The following KCND2 variants were observed in gnomAD, a reference collection of about 807,000 sequenced individuals.
KCND2 encodes A-type voltage-gated potassium channel KCND2.
Under a neutral mutation model 54.4 loss-of-function variants are expected in KCND2, and 16 were observed. The ratio of observed to expected loss-of-function variants is 0.29; its 90% CI spans 0.20 to 0.45. The LOEUF (loss-of-function observed/expected upper bound fraction) is 0.45. Among genes scored for constraint, KCND2 ranks in the 20% least tolerant of loss-of-function variants. The pLI, the probability that KCND2 is intolerant of heterozygous loss-of-function variation, is 1.00. For missense variants in KCND2, 486 were observed against 824.2 expected, an observed-to-expected ratio of 0.59 and a Z score of 5.02; for synonymous variants, 317 against 310.7, an observed-to-expected ratio of 1.02 and a Z score of -0.21.
chr7:120,378,007 CTG>C (rs1800860184), intron 1 of KCND2, among the ~76,000 whole-genome samples: 2 of 151,814 alleles, frequency 1.3e-5, no homozygotes, highest in African/African-American at 2.4e-5. Context: ...TCCAATTAGA[CTG>C]TATACTTTTA....
At chr7:120,670,935 GAAAA>G (rs1791985447) in intron 1 of KCND2, among the ~76,000 whole-genome samples, 1 of 149,306 alleles carries the variant, frequency 6.7e-6, no homozygotes, top group African/African-American at 2.4e-5. Flanking sequence ...AAAAAAGAAA[GAAAA>G]GGGATGAATG....
chr7:120,287,146 T>C (rs568761865), intron 1 of KCND2, among the ~76,000 whole-genome samples: 2 of 152,212 alleles, frequency 1.3e-5, no homozygotes, highest in East Asian at 3.9e-4. Flanking sequence ...ACCAGTAGTT[T>C]CACAAAATAT....
At chr7:120,498,787 G>A (rs1584802701) in intron 1 of KCND2, among the ~76,000 whole-genome samples, 3 of 151,598 alleles carry the variant, frequency 2.0e-5, no homozygotes, top group Non-Finnish European at 2.9e-5. Context: ...AAACAAATAC[G>A]AAAAAGTAAA....
rs143008737 is a variant in KCND2 at position 120,522,815 on chromosome 7, C to G, written c.1116-210088C>G. 5.3e-3 allele frequency among the ~76,000 whole-genome samples: 814 copies of G among 152,254 alleles called. 4 individuals carry two copies. The highest frequency in any genetic ancestry group is 0.018 in the African/African-American group (750 of 41,558). ...TTTCTGAAATGTGGTAAATTTAGTG[C>G]TGGTTTCATGAATAATAAAGTGAAT... is the stretch of plus-strand genomic sequence containing the variant. On this transcript the variant is annotated intron_variant, in intron 1 of 5. Transcript: ENST00000331113.
intron 1 of KCND2, among the ~76,000 whole-genome samples, chr7:120,438,365 C>T (rs141769527): frequency 6.6e-6 from 1 of 152,214 alleles, no homozygotes; most frequent in Non-Finnish European, 1.5e-5. Context: ...TTGGTATAGC[C>T]TCCTGATAAT....
intron 1 of KCND2, among the ~76,000 whole-genome samples, chr7:120,613,040 GGTATTCA>G (rs1792975918): frequency 6.6e-6 from 1 of 151,108 alleles, no homozygotes; most frequent in African/African-American, 2.4e-5. Context: ...ATTTGGGAGA[GGTATTCA>G]GTATTTTGTG....
At chr7:120,332,928 A>T (rs1461988078) in intron 1 of KCND2, among the ~76,000 whole-genome samples, 1 of 152,124 alleles carries the variant, frequency 6.6e-6, no homozygotes, top group East Asian at 1.9e-4. Context: ...CCAAGATAAT[A>T]GACTTATTTA....
chr7:120,584,482 T>G (rs1303220682), intron 1 of KCND2, among the ~76,000 whole-genome samples: 1 of 152,244 alleles, frequency 6.6e-6, no homozygotes, highest in African/African-American at 2.4e-5. Context: ...ATGGATTTTA[T>G]GTTCAATGTC....
At chr7:120,692,860 T>C (rs1249678966) in intron 1 of KCND2, among the ~76,000 whole-genome samples, 1 of 152,224 alleles carries the variant, frequency 6.6e-6, no homozygotes, top group Non-Finnish European at 1.5e-5. Context: ...GGTGCTTTAT[T>C]TTCTATTGAT....
At chr7:120,464,623 C>G (rs1385062033) in intron 1 of KCND2, among the ~76,000 whole-genome samples, 1 of 152,136 alleles carries the variant, frequency 6.6e-6, no homozygotes, top group East Asian at 1.9e-4. Context: ...AGAAAGCTAA[C>G]AAAAATTTTG....
intron 1 of KCND2, among the ~76,000 whole-genome samples, chr7:120,354,269 A>G (rs972611497): frequency 6.6e-6 from 1 of 152,184 alleles, no homozygotes; most frequent in Non-Finnish European, 1.5e-5. Context: ...TCCAATATTC[A>G]AGGACTTTTT....
intron 1 of KCND2, among the ~76,000 whole-genome samples, chr7:120,511,406 T>G (rs1803113540): frequency 1.3e-5 from 2 of 152,142 alleles, no homozygotes; most frequent in Admixed American, 1.3e-4. Flanking sequence ...AGACTGGTTT[T>G]GTTTACTAGA....
At chr7:120,413,422 A>G (rs1801478500) in intron 1 of KCND2, among the ~76,000 whole-genome samples, 1 of 151,986 alleles carries the variant, frequency 6.6e-6, no homozygotes, top group Non-Finnish European at 1.5e-5. Flanking sequence ...CTACCTTTGT[A>G]TATTATTAGA....
In KCND2 at chr7:120,398,748, A is replaced by G. The variant is rs560278916; in HGVS notation, c.1115+123001A>G. 1.1e-4 allele frequency among the ~76,000 whole-genome samples: 17 copies of G among 152,244 alleles called. No individual in the cohort carries two copies. The East Asian group carries it at 2.9e-3, about 26-fold the overall frequency. On this transcript the variant is annotated intron_variant, in intron 1 of 5. Transcript: ENST00000331113. ...CCCACACCTTGCTAAGAAGTTCAGT[A>G]ATTTGTGCAAAAAGTGAGAAAAAGT... is the stretch of plus-strand genomic sequence containing the variant.
chr7:120,481,314 C>T (rs552016632), intron 1 of KCND2, among the ~76,000 whole-genome samples: 4 of 151,958 alleles, frequency 2.6e-5, no homozygotes, highest in East Asian at 1.9e-4. Flanking sequence ...TACTTTTAAC[C>T]GCATAAAATG....
chr7:120,727,604 G>T (rs1792750290), intron 1 of KCND2, among the ~76,000 whole-genome samples: 1 of 152,046 alleles, frequency 6.6e-6, no homozygotes, highest in South Asian at 2.1e-4. Flanking sequence ...TCAATATTTG[G>T]CAAAATATAA....
chr7:120,325,619 A>C (rs548624764), intron 1 of KCND2, among the ~76,000 whole-genome samples: 3 of 151,892 alleles, frequency 2.0e-5, no homozygotes, highest in East Asian at 1.9e-4. Flanking sequence ...ATTTGCGTAT[A>C]TTGAACCAGC....
At chr7:120,571,304 G>C (rs1023071374) in intron 1 of KCND2, among the ~76,000 whole-genome samples, 1 of 152,254 alleles carries the variant, frequency 6.6e-6, no homozygotes, top group African/African-American at 2.4e-5. Flanking sequence ...GAAAAAGATA[G>C]AAAAATATTA....
At chr7:120,531,896 C>G (rs1184036652) in intron 1 of KCND2, among the ~76,000 whole-genome samples, 1 of 152,040 alleles carries the variant, frequency 6.6e-6, no homozygotes, top group Non-Finnish European at 1.5e-5. Context: ...TACCTCTTCT[C>G]TCTTTAATCT....
Sources: gnomAD v4.1 joint callset for allele counts (sites outside exome capture counted in the v4.1 genomes callset) on GRCh38, gnomAD v4.1.1 for gene constraint, MANE v1.5 for transcripts, NCBI Gene and HGNC (gene_info 2026-07-23, HGNC 2026-07-21) for gene names.